NRXN3: variants seen among roughly 807,000 people sequenced by gnomAD.
NRXN3 encodes neurexin 3, also known as neurexin III.
A neutral mutation model predicts 137.6 loss-of-function variants in NRXN3; 32 were observed. The ratio of observed to expected loss-of-function variants is 0.23; its 90% CI spans 0.18 to 0.31. The LOEUF (loss-of-function observed/expected upper bound fraction) is 0.31. Ranked by LOEUF, NRXN3 falls within the 10% of genes least tolerant of loss-of-function variation. The pLI, the probability that NRXN3 is intolerant of heterozygous loss-of-function variation, is 1.00. For synonymous variants in NRXN3, 798 were observed against 784.5 expected (o/e 1.02, Z -0.29); for missense variants, 1,574 against 2,062.5 (o/e 0.76, Z 4.59).
chr14:78,801,416 C>G (rs2098838512), intron 8 of NRXN3, among the ~76,000 whole-genome samples: 1 of 152,176 alleles, frequency 6.6e-6, no homozygotes, highest in Admixed American at 6.5e-5. Context: ...CCTCAGGAAA[C>G]TTACAATCTG....
chr14:79,517,810 A>G (rs887019871), intron 16 of NRXN3, among the ~76,000 whole-genome samples: 9 of 150,330 alleles, frequency 6.0e-5, no homozygotes, highest in Non-Finnish European at 1.0e-4. Flanking sequence ...ACATTTTTCA[A>G]TTCTGAAACC....
At chr14:78,461,241 C>A (rs2094913435) in intron 4 of NRXN3, among the ~76,000 whole-genome samples, 1 of 152,088 alleles carries the variant, frequency 6.6e-6, no homozygotes, top group Admixed American at 6.5e-5. Context: ...GCTAAGTGCT[C>A]AGTGAAAAAA....
Position 78,875,695 on chromosome 14 carries a change from T to A in NRXN3, c.2275+65351T>A, listed in dbSNP as rs539226417. The stretch of plus-strand genomic sequence containing the variant: ...TGTGTTTTATTTTAAATACACAGTG[T>A]TTTTTTCTGAAAATGCTTTCTCAAC... On this transcript the variant is annotated intron_variant, in intron 10 of 20. Transcript: ENST00000335750. Among the ~76,000 whole-genome samples, 11 of 151,850 alleles carry A rather than the reference T, an allele frequency of 7.2e-5. No homozygotes were observed. In the South Asian group the frequency reaches 8.3e-4, roughly 11 times the overall value.
chr14:78,395,106 A>G (rs1016663022), intron 4 of NRXN3, among the ~76,000 whole-genome samples: 4 of 149,590 alleles, frequency 2.7e-5, no homozygotes, highest in African/African-American at 9.8e-5. Flanking sequence ...TGGATTTATT[A>G]TTTTTTTTTA....
chr14:78,371,909 G>A (rs1186903297), intron 4 of NRXN3, among the ~76,000 whole-genome samples: 1 of 152,086 alleles, frequency 6.6e-6, no homozygotes, highest in Non-Finnish European at 1.5e-5. Flanking sequence ...TAGAAGACAG[G>A]CACTAGTATT....
At chr14:78,899,941 CT>C (rs945225424) in intron 10 of NRXN3, among the ~76,000 whole-genome samples, 36 of 151,646 alleles carry the variant, frequency 2.4e-4, no homozygotes, top group African/African-American at 8.5e-4. Context: ...GTGTTCAGAC[CT>C]TTTTTTTCTC....
intron 10 of NRXN3, among the ~76,000 whole-genome samples, chr14:78,907,265 T>G (rs1411613646): frequency 6.6e-6 from 1 of 152,022 alleles, no homozygotes; most frequent in Non-Finnish European, 1.5e-5. Context: ...CATAAACATA[T>G]GAGGTGCTTT....
chr14:78,762,627 C>G (rs79657891), intron 8 of NRXN3, among the ~76,000 whole-genome samples: 1 of 151,938 alleles, frequency 6.6e-6, no homozygotes, highest in Non-Finnish European at 1.5e-5. Flanking sequence ...GTCCAAAGGG[C>G]GGGGGAAGAA....
chr14:79,793,717 GT>G (rs1226489028), intron 19 of NRXN3, among the ~76,000 whole-genome samples: 1 of 152,082 alleles, frequency 6.6e-6, no homozygotes, highest in Non-Finnish European at 1.5e-5. Flanking sequence ...TATTTGTTAT[GT>G]TTTTTATTTG....
intron 10 of NRXN3, among the ~76,000 whole-genome samples, chr14:78,821,833 C>T (rs1299622780): frequency 1.3e-4 from 20 of 152,146 alleles, no homozygotes; most frequent in Non-Finnish European, 2.9e-4. Flanking sequence ...GAATGTTTAA[C>T]TTAACTGCTC....
At chr14:79,265,379 C>T (rs1290095256) in intron 15 of NRXN3, among the ~76,000 whole-genome samples, 2 of 151,650 alleles carry the variant, frequency 1.3e-5, no homozygotes, top group Non-Finnish European at 2.9e-5. Flanking sequence ...ATATAGTAAC[C>T]ACCACCTTCT....
At chr14:79,363,951 AC>A (rs2093781020) in intron 15 of NRXN3, among the ~76,000 whole-genome samples, 1 of 152,150 alleles carries the variant, frequency 6.6e-6, no homozygotes, top group Admixed American at 6.6e-5. Flanking sequence ...TCATTTTGAC[AC>A]CTACTCTTTA....
chr14:78,525,488 T>C (rs2096364242), intron 4 of NRXN3, among the ~76,000 whole-genome samples: 1 of 152,194 alleles, frequency 6.6e-6, no homozygotes, highest in South Asian at 2.1e-4. Context: ...TCATTTACCA[T>C]AGATAAAGAC....
chr14:78,810,434 A>G, intron 10 of NRXN3, 90 bp downstream of exon 10: 1 of 490,860 alleles, frequency 2.0e-6, no homozygotes, highest in Non-Finnish European at 3.0e-6. Flanking sequence ...GCTGTTTTTT[A>G]TTTGAATTAT....
At chr14:78,769,269 C>G (rs905464313) in intron 8 of NRXN3, among the ~76,000 whole-genome samples, 8 of 152,208 alleles carry the variant, frequency 5.3e-5, no homozygotes, top group African/African-American at 1.9e-4. Context: ...ATCACAATAT[C>G]ACAGGCTGTC....
intron 15 of NRXN3, among the ~76,000 whole-genome samples, chr14:79,236,692 A>C (rs2073419963): frequency 6.6e-6 from 1 of 152,064 alleles, no homozygotes; most frequent in South Asian, 2.1e-4. Context: ...TGGGAGGATC[A>C]CTTGAACTCA....
chr14:78,546,939 G>A (rs2096641434), intron 4 of NRXN3, among the ~76,000 whole-genome samples: 1 of 152,102 alleles, frequency 6.6e-6, no homozygotes, highest in South Asian at 2.1e-4. Context: ...TGAACTCTGG[G>A]AATCTGGCAC....
intron 4 of NRXN3, among the ~76,000 whole-genome samples, chr14:78,369,368 C>T (rs964945548): frequency 2.6e-5 from 4 of 151,672 alleles, no homozygotes; most frequent in African/African-American, 9.7e-5. Flanking sequence ...TGCATGTGGT[C>T]CTATTTCCTA....
At chr14:79,343,101 A>G (rs1261466908) in intron 15 of NRXN3, among the ~76,000 whole-genome samples, 1 of 152,056 alleles carries the variant, frequency 6.6e-6, no homozygotes, top group African/African-American at 2.4e-5. Context: ...GTGTCAGCCG[A>G]TCCATCCTGT....
Sources: gnomAD v4.1 joint callset for allele counts (sites outside exome capture counted in the v4.1 genomes callset) on GRCh38, gnomAD v4.1.1 for gene constraint, MANE v1.5 for transcripts, NCBI Gene and HGNC (gene_info 2026-07-23, HGNC 2026-07-21) for gene names.